Variants in NKX6-1 observed in about 807,000 individuals in gnomAD.
NKX6-1 encodes the protein homeobox protein Nkx-6.1.
In NKX6-1, 11 loss-of-function variants were observed where a neutral mutation model predicts 24.9. The ratio of observed to expected loss-of-function variants is 0.44; its 90% CI spans 0.28 to 0.73. NKX6-1 has a LOEUF of 0.73. Among genes scored for constraint, NKX6-1 ranks in the 30% least tolerant of loss-of-function variants. The pLI is 0.15. For synonymous variants in NKX6-1, 277 were observed against 242.9 expected (o/e 1.14, Z -1.31); for missense variants, 487 against 502.9 (o/e 0.97, Z 0.30).
Position 84,497,837 on chromosome 4 carries a change from G to A in NKX6-1, c.392C>T (p.Ala131Val), listed in dbSNP as rs757439049. 10 of 1,271,818 alleles carry A rather than the reference G, an allele frequency of 7.9e-6. No individual in the cohort carries two copies. The African/African-American group carries it at 1.4e-4, about 18-fold the overall frequency. The allele number at this position is 1,271,818 out of a possible 1,614,324, so 78.8% of individuals were successfully genotyped here. The change falls in exon 1 of 3, where the codon GCC (alanine) becomes GTC (valine). Residue 131 changes from alanine (A) to valine (V), a missense_variant. Physicochemically the swap from Ala to Val is moderately conservative, Grantham distance 64. This residue lies in a region of NKX6-1 where 316 missense variants were observed against 311.4 expected (regional missense o/e 1.01). Coordinates refer to ENST00000295886, the MANE Select transcript of NKX6-1 (RefSeq NM_006168.3). The surrounding 1 kb of genome is among the most constrained non-coding windows in gnomAD (Gnocchi z 4.8). Reference sequence around the variant, plus strand: ...GGCGGCAGAGGCGGAGGAGGCAGAGGCGGACGAGGAAGAGGAGGAGGAGGA... The same window carrying A: ...GGCGGCAGAGGCGGAGGAGGCAGAGACGGACGAGGAAGAGGAGGAGGAGGA... ...SGSSSSSSSS[A>V]SASSASAAAA... is the part of the protein sequence containing the mutation.
chr4:84,492,372 T>G lies in NKX6-1; in HGVS notation c.*917A>C, dbSNP rs1180975252. 6.6e-6 allele frequency: 1 copy of G among 151,840 alleles called. No homozygotes were observed. The highest frequency in any genetic ancestry group is 1.5e-5 in the Non-Finnish European group (1 of 67,980). The allele number at this position is 151,840 out of a possible 1,614,324, so 9.4% of individuals were successfully genotyped here. On this transcript the variant is annotated 3_prime_UTR_variant, in exon 3 of 3. Coordinates refer to ENST00000295886, the MANE Select transcript of NKX6-1 (RefSeq NM_006168.3). ...TCACTAATAAATAGCAACAAACGAC[T>G]GTGCAATTTCAGAGAGGAACAGGGA...
Position 84,493,339 on chromosome 4 carries a change from C to CGCCGCT in NKX6-1, c.1048_1053dup (p.Ser350_Gly351dup), listed in dbSNP as rs1560615618. 1 of 1,613,604 alleles carries CGCCGCT rather than the reference C, an allele frequency of 6.2e-7. No individual in the cohort carries two copies. Among genetic ancestry groups the CGCCGCT allele is most frequent in the East Asian group, 2.2e-5 (1 of 44,748 alleles). On this transcript the variant is annotated inframe_insertion, in exon 3 of 3. Coordinates refer to ENST00000295886, the MANE Select transcript of NKX6-1 (RefSeq NM_006168.3). The surrounding 1 kb of genome is among the most constrained non-coding windows in gnomAD (Gnocchi z 5.1). ...GCGTGCAGTAGGAGGCCGCCGCCGC[C>CGCCGCT]GCCGCTGCTGGACTTGTGCTTCTTC... is the stretch of plus-strand genomic sequence containing the variant.
At position 84,497,614 on chromosome 4, in the gene NKX6-1, C is replaced by A. The variant is rs768695607; in HGVS notation, c.615G>T (p.Trp205Cys). ...AELPGRTPIF[W>C]PGVMQSPPWR... is the part of the protein sequence containing the mutation. ...AGGGCGGGCTCTGCATCACTCCGGGCCAGAAGATGGGCGTCCGGCCAGGCA... is the reference window on the plus strand; with the variant it reads ...AGGGCGGGCTCTGCATCACTCCGGGACAGAAGATGGGCGTCCGGCCAGGCA... The change falls in exon 1 of 3, where the codon TGG becomes TGT. Residue 205 changes from tryptophan to cysteine, a missense_variant. Physicochemically the swap from Trp to Cys is radical, Grantham distance 215. Transcript: ENST00000295886. This position sits in a 1 kb window ranked among gnomAD's most constrained non-coding sequence, Gnocchi z 4.8. 6.2e-6 allele frequency: 8 copies of A among 1,280,410 alleles called. No homozygotes were observed. The highest frequency in any genetic ancestry group is 7.9e-6 in the Non-Finnish European group (8 of 1,008,790). The allele number at this position is 1,280,410 out of a possible 1,614,324, so 79.3% of individuals were successfully genotyped here. A position where few individuals can be genotyped will look rare whatever the true frequency, so the allele number is the denominator to read the frequency against.
intron 2 of NKX6-1, 125 bp downstream of exon 2, chr4:84,495,547 G>T: frequency 1.1e-6 from 1 of 870,702 alleles, no homozygotes; most frequent in Non-Finnish European, 1.8e-6. Context: ...CAGGCTCCTT[G>T]GATTCGCACC....
In NKX6-1 at chr4:84,497,410, C is replaced by T; in HGVS notation, c.670+149G>A. The T allele has an allele frequency of 3.5e-6, 4 of 1,136,728 alleles. No homozygotes were observed. The highest frequency in any genetic ancestry group is 4.5e-6 in the Non-Finnish European group (4 of 895,210). 70.4% of individuals were successfully genotyped at this position (1,136,728 alleles called of 1,614,324 possible). A position where few individuals can be genotyped will look rare whatever the true frequency, so the allele number is the denominator to read the frequency against. On this transcript the variant is annotated intron_variant, in intron 1 of 2. Transcript: ENST00000295886. The surrounding 1 kb of genome is among the most constrained non-coding windows in gnomAD (Gnocchi z 4.8). ...AGAATCCCTTTCTGGAAGCCCTGGC[C>T]CAACCTAACTGGTGTGATTCCGGCG...
At chr4:84,496,276 T>C (rs1170420703) in intron 1 of NKX6-1, among the ~76,000 whole-genome samples, 1 of 151,770 alleles carries the variant, frequency 6.6e-6, no homozygotes, top group African/African-American at 2.4e-5. Flanking sequence ...TTCCCTAACC[T>C]GTGTCCAGGC....
intron 2 of NKX6-1, among the ~76,000 whole-genome samples, chr4:84,494,548 T>C (rs1720783673): frequency 6.6e-6 from 1 of 152,254 alleles, no homozygotes; most frequent in South Asian, 2.1e-4. Flanking sequence ...GTTTATTTTC[T>C]TTATACAGCT....
In NKX6-1 at chr4:84,498,909, G is replaced by C. The variant is rs914687532; in HGVS notation, c.-681C>G. On this transcript the variant is annotated 5_prime_UTR_variant, in exon 1 of 3. Coordinates refer to ENST00000295886, the MANE Select transcript of NKX6-1 (RefSeq NM_006168.3). ...AAGGGCAGTGCCACGGATCCCCGCG[G>C]CTCCCAGGTCCTCACCTCCACCCGC... 6.6e-6 allele frequency among the ~76,000 whole-genome samples: 1 copy of C among 152,244 alleles called. No individual in the cohort carries two copies. Among genetic ancestry groups the C allele is most frequent in the Non-Finnish European group, 1.5e-5 (1 of 68,046 alleles).
At position 84,497,653 on chromosome 4, in the gene NKX6-1, C is replaced by CT; in HGVS notation, c.575dup (p.Pro193AlafsTer4). 1 of 1,281,904 alleles carries CT rather than the reference C, an allele frequency of 7.8e-7. No homozygotes were observed. The highest frequency in any genetic ancestry group is 9.9e-7 in the Non-Finnish European group (1 of 1,010,504). The allele number at this position is 1,281,904 out of a possible 1,614,324, so 79.4% of individuals were successfully genotyped here. A position where few individuals can be genotyped will look rare whatever the true frequency, so the allele number is the denominator to read the frequency against. On this transcript the variant is annotated frameshift_variant, in exon 1 of 3. Coordinates refer to ENST00000295886, the MANE Select transcript of NKX6-1 (RefSeq NM_006168.3). LOFTEE classifies it high-confidence loss of function. This position sits in a 1 kb window ranked among gnomAD's most constrained non-coding sequence, Gnocchi z 4.8. ...TCCGGCCAGGCAGCTCAGCCAGCGG[C>CT]TTGGGGTACCGGCCCACGGCGGCCA...
At chr4:84,495,623 G>T in intron 2 of NKX6-1, 49 bp downstream of exon 2, 2 of 1,530,978 alleles carry the variant, frequency 1.3e-6, no homozygotes, top group Non-Finnish European at 1.8e-6. Flanking sequence ...GTGCACGCGC[G>T]CGCGACAGGG....
At position 84,497,556 on chromosome 4, in the gene NKX6-1, C is replaced by T. The variant is rs902295409; in HGVS notation, c.670+3G>A. 3.2e-6 allele frequency: 4 copies of T among 1,257,866 alleles called. No individual in the cohort carries two copies. The highest frequency in any genetic ancestry group is 3.0e-6 in the Non-Finnish European group (3 of 994,096). The allele number at this position is 1,257,866 out of a possible 1,614,324, so 77.9% of individuals were successfully genotyped here. A position where few individuals can be genotyped will look rare whatever the true frequency, so the allele number is the denominator to read the frequency against. ...GCATCGGGGCGCGGGTGGTAGTACT[C>T]ACGAGGGGTACAGGCCAGGCGTGCG... On this transcript the variant is annotated splice_donor_region_variant and intron_variant, in intron 1 of 2. Coordinates refer to ENST00000295886, the MANE Select transcript of NKX6-1 (RefSeq NM_006168.3). This position sits in a 1 kb window ranked among gnomAD's most constrained non-coding sequence, Gnocchi z 4.8.
chr4:84,497,969 G>T lies in NKX6-1; in HGVS notation c.260C>A (p.Pro87Gln), dbSNP rs750589784. 18 of 1,297,974 alleles carry T rather than the reference G, an allele frequency of 1.4e-5. 1 individual carries two copies. The Middle Eastern group carries it at 1.0e-3, about 74-fold the overall frequency. The allele number at this position is 1,297,974 out of a possible 1,614,324, so 80.4% of individuals were successfully genotyped here. Residue 87 changes from proline to glutamine, a missense_variant, in exon 1 of 3, where the codon CCG becomes CAG. Pro to Gln is a moderately conservative substitution (Grantham distance 76, BLOSUM62 -1). Transcript: ENST00000295886. This position sits in a 1 kb window ranked among gnomAD's most constrained non-coding sequence, Gnocchi z 4.8. ...TGGGGTGGCGGCCGAGAGCTGCTGC[G>T]GGGGGCTGCCGAGGGATGAGAGCCC... Reference protein sequence around the residue: ...TGGLSSLGSPPQQLSAATPHG... With the variant: ...TGGLSSLGSPQQQLSAATPHG...
At position 84,493,422 on chromosome 4, in the gene NKX6-1, T is replaced by C; in HGVS notation, c.971A>G (p.Asp324Gly). Residue 324 changes from aspartate to glycine, a missense_variant, in exon 3 of 3, where the codon GAC becomes GGC. Asp to Gly is a moderately conservative substitution (Grantham distance 94). Around this residue, in one of 3 missense-constraint regions of NKX6-1, gnomAD observed 126 missense variants for 105.5 expected, o/e 1.19. Coordinates refer to ENST00000295886, the MANE Select transcript of NKX6-1 (RefSeq NM_006168.3). The surrounding 1 kb of genome is among the most constrained non-coding windows in gnomAD (Gnocchi z 5.1). ...KGASENEEEDDDYNKPLDPNS... is the reference protein window; with the variant it reads ...KGASENEEEDGDYNKPLDPNS... Reference sequence around the variant, plus strand: ...GGGATCCAGAGGCTTATTGTAGTCGTCGTCCTCTTCCTCGTTCTCCGAGGC... The same window carrying C: ...GGGATCCAGAGGCTTATTGTAGTCGCCGTCCTCTTCCTCGTTCTCCGAGGC... 6.2e-7 allele frequency: 1 copy of C among 1,614,244 alleles called. No homozygotes were observed. The highest frequency in any genetic ancestry group is 1.6e-4 in the Middle Eastern group (1 of 6,062).
At position 84,497,792 on chromosome 4, in the gene NKX6-1, G is replaced by A; in HGVS notation, c.437C>T (p.Ala146Val). 1 of 1,270,740 alleles carries A rather than the reference G, an allele frequency of 7.9e-7. No homozygotes were observed. Among genetic ancestry groups the A allele is most frequent in the Non-Finnish European group, 9.9e-7 (1 of 1,012,260 alleles). The allele number at this position is 1,270,740 out of a possible 1,614,324, so 78.7% of individuals were successfully genotyped here. ...CGCCGGGGATGAGGCGGCGGCTGCG[G>A]CCGCGGCAGCAGCCGCGGCGGCGGC... ...ASAAAAAAAA[A>V]AAAASSPAGL... The change falls in exon 1 of 3, where the codon GCC (alanine) becomes GTC (valine). Residue 146 changes from alanine (A) to valine (V), a missense_variant. By Grantham distance (64) the Ala-to-Val change is moderately conservative. Transcript: ENST00000295886. The surrounding 1 kb of genome is among the most constrained non-coding windows in gnomAD (Gnocchi z 4.8).
rs1720875054 is a variant in NKX6-1, at chr4:84,498,404, C to T, written c.-176G>A. On this transcript the variant is annotated 5_prime_UTR_variant, in exon 1 of 3. Coordinates refer to ENST00000295886, the MANE Select transcript of NKX6-1 (RefSeq NM_006168.3). ...CTGCCGGGAGTTGCTCGCCTAGCTG[C>T]GCAGCAGAGATGTCCAAACCCTCCA... is the stretch of plus-strand genomic sequence containing the variant. 1.6e-6 allele frequency: 1 copy of T among 612,202 alleles called. No homozygotes were observed. The highest frequency in any genetic ancestry group is 8.7e-5 in the South Asian group (1 of 11,514). 37.9% of individuals were successfully genotyped at this position (612,202 alleles called of 1,614,324 possible).
chr4:84,494,953 TTTCC>T (rs1720790087), intron 2 of NKX6-1, among the ~76,000 whole-genome samples: 1 of 152,224 alleles, frequency 6.6e-6, no homozygotes, highest in Admixed American at 6.5e-5. Flanking sequence ...CTGAAATTTG[TTTCC>T]TTGGAAATAT....
rs145722648 is a variant in NKX6-1 at position 84,493,659 on chromosome 4, G to A, written c.844-110C>T. The stretch of plus-strand genomic sequence containing the variant: ...CTCGATGGCCCTCCCGCGGCCCCCC[G>A]AAGGCCTGCTGCCCTCCCTCGCAGC... On this transcript the variant is annotated intron_variant, in intron 2 of 2. Coordinates refer to ENST00000295886, the MANE Select transcript of NKX6-1 (RefSeq NM_006168.3). This position sits in a 1 kb window ranked among gnomAD's most constrained non-coding sequence, Gnocchi z 5.1. The A allele has an allele frequency of 0.021, 28,996 of 1,371,100 alleles. 355 individuals carry two copies. Among genetic ancestry groups the A allele is most frequent in the Non-Finnish European group, 0.024 (24,540 of 1,002,332 alleles). The allele number at this position is 1,371,100 out of a possible 1,614,324, so 84.9% of individuals were successfully genotyped here. A position where few individuals can be genotyped will look rare whatever the true frequency, so the allele number is the denominator to read the frequency against.
intron 1 of NKX6-1, chr4:84,496,831 T>A (rs188336065): frequency 1.3e-5 from 2 of 152,630 alleles, no homozygotes; most frequent in African/African-American, 4.8e-5. Context: ...TCCCCAAATG[T>A]GCCCGGACGC....
Position 84,493,552 on chromosome 4 carries a change from G to A in NKX6-1, c.844-3C>T, listed in dbSNP as rs1307678001. On this transcript the variant is annotated splice_region_variant and splice_polypyrimidine_tract_variant and intron_variant, in intron 2 of 2. Coordinates refer to ENST00000295886, the MANE Select transcript of NKX6-1 (RefSeq NM_006168.3). This position sits in a 1 kb window ranked among gnomAD's most constrained non-coding sequence, Gnocchi z 5.1. ...GTCCGGCGGTTCTGGAACCAGACCT[G>A]AGGGCGGAGAAAAGGGAGGAGAGGG... is the stretch of plus-strand genomic sequence containing the variant. The A allele has an allele frequency of 6.2e-7, 1 of 1,613,900 alleles. No homozygotes were observed. Among genetic ancestry groups the A allele is most frequent in the Admixed American group, 1.7e-5 (1 of 60,022 alleles).
Sources: gnomAD v4.1 joint callset for allele counts (sites outside exome capture counted in the v4.1 genomes callset) on GRCh38, gnomAD v4.1.1 for gene constraint, gnomAD v4.1.1 regional missense constraint, Gnocchi (gnomAD v3.1) non-coding constraint, MANE v1.5 for transcripts, NCBI Gene and HGNC (gene_info 2026-07-23, HGNC 2026-07-21) for gene names.